The following NOTCH2 variants were observed in gnomAD, a reference collection of about 807,000 sequenced individuals.
The protein encoded by NOTCH2 is neurogenic locus notch homolog protein 2.
NOTCH2 carries 29 observed loss-of-function variants against 235.8 expected under a neutral mutation model. The observed-to-expected ratio is 0.12, with a 90% CI of 0.09 to 0.17. The LOEUF (loss-of-function observed/expected upper bound fraction) is 0.17, where lower values mean the gene tolerates loss of function less well. NOTCH2 is among the 10% of genes least tolerant of loss of function. The probability of loss-of-function intolerance (pLI) is 1.00; values close to 1 mark genes in which losing one functional copy is unlikely to be tolerated. For missense variants in NOTCH2, 2,285 were observed against 3,150.2 expected (o/e 0.73, Z 6.57); for synonymous variants, 1,086 against 1,141.5 (o/e 0.95, Z 0.98).
chr1:119,972,033 A>G (rs1553200421), intron 5 of NOTCH2, among the ~76,000 whole-genome samples: 3 of 150,718 alleles, frequency 2.0e-5, no homozygotes. Flanking sequence ...ACACTGAGGT[A>G]GTGAGTGAGG....
chr1:119,912,947 GC>G lies in NOTCH2; in HGVS notation c.*2358del, dbSNP rs2101138346. On this transcript the variant is annotated 3_prime_UTR_variant, in exon 34 of 34. Transcript: ENST00000256646. ...AAAGTAGTCCAAGAAAAAGAAACAA[GC>G]AATTTGGTCTGACATTGTGCTTAAG... 1 of 233,520 alleles carries G rather than the reference GC, an allele frequency of 4.3e-6. No homozygotes were observed. Among genetic ancestry groups the G allele is most frequent in the African/African-American group, 2.2e-5 (1 of 45,438 alleles). 14.5% of individuals were successfully genotyped at this position (233,520 alleles called of 1,614,324 possible).
At chr1:119,955,360 C>T in intron 12 of NOTCH2, 128 bp from the exon 13 acceptor site, 1 of 879,192 alleles carries the variant, frequency 1.1e-6, no homozygotes, top group Non-Finnish European at 1.9e-6. Flanking sequence ...CACCAAATGT[C>T]AAGATGTAAG....
intron 12 of NOTCH2, 53 bp from the exon 13 acceptor site, chr1:119,955,285 C>T: frequency 5.7e-6 from 9 of 1,566,500 alleles, no homozygotes; most frequent in Non-Finnish European, 7.0e-6. Flanking sequence ...AGGAAATAGA[C>T]CCAGAACTAT....
chr1:120,002,483 CAA>C (rs1652800116), intron 3 of NOTCH2, among the ~76,000 whole-genome samples: 25 of 151,910 alleles, frequency 1.6e-4, no homozygotes, highest in Admixed American at 1.5e-3. Flanking sequence ...GGCGGAACTA[CAA>C]ATGGTCCCAC....
At chr1:119,940,030 C>T (rs1553196267) in intron 19 of NOTCH2, among the ~76,000 whole-genome samples, 1 of 152,156 alleles carries the variant, frequency 6.6e-6, no homozygotes, top group Non-Finnish European at 1.5e-5. Flanking sequence ...TCCATGAAAT[C>T]GAAGGTTAGA....
chr1:120,007,090 G>A (rs1690045), intron 2 of NOTCH2, among the ~76,000 whole-genome samples: 9 of 152,304 alleles, frequency 5.9e-5, no homozygotes, highest in African/African-American at 9.6e-5. Context: ...TAAGCATGGC[G>A]GAGCAAGGAG....
chr1:119,960,466 T>A (rs1330403416), intron 11 of NOTCH2, among the ~76,000 whole-genome samples: 9 of 150,742 alleles, frequency 6.0e-5, no homozygotes, highest in South Asian at 2.1e-4. Flanking sequence ...GAAATATATT[T>A]GTAATATATT....
At chr1:119,983,539 G>A (rs1651897622) in intron 5 of NOTCH2, among the ~76,000 whole-genome samples, 1 of 152,158 alleles carries the variant, frequency 6.6e-6, no homozygotes, top group African/African-American at 2.4e-5. Flanking sequence ...ATAGCAAGAT[G>A]AAACCAGGGG....
intron 32 of NOTCH2, 31 bp from the exon 33 acceptor site, chr1:119,917,793 C>T (rs1261326661): frequency 8.0e-7 from 1 of 1,250,808 alleles, no homozygotes; most frequent in Non-Finnish European, 1.2e-6. Context: ...TATAAACAGA[C>T]ATATCCTACT....
chr1:120,005,245 G>A (rs587721829), intron 3 of NOTCH2, 84 bp downstream of exon 3: 1 of 1,567,328 alleles, frequency 6.4e-7, no homozygotes, highest in Admixed American at 1.7e-5. Flanking sequence ...GGACATTTAA[G>A]AGCCAGACAC....
intron 5 of NOTCH2, among the ~76,000 whole-genome samples, chr1:119,981,444 A>C (rs1357953376): frequency 6.6e-6 from 1 of 152,220 alleles, no homozygotes; most frequent in Non-Finnish European, 1.5e-5. Context: ...GTAGTTGTTC[A>C]ATAAATATCT....
chr1:120,067,593 T>C (rs1655557721), intron 1 of NOTCH2, among the ~76,000 whole-genome samples: 1 of 152,166 alleles, frequency 6.6e-6, no homozygotes, highest in Admixed American at 6.5e-5. Context: ...AGACTACATA[T>C]CATGAAGATT....
intron 22 of NOTCH2, chr1:119,935,233 G>GT (rs1649805303): frequency 1.4e-6 from 2 of 1,410,834 alleles, no homozygotes; most frequent in Admixed American, 2.8e-5. Context: ...CATATTCTGT[G>GT]TTTCATGGAA....
intron 1 of NOTCH2, among the ~76,000 whole-genome samples, chr1:120,033,843 G>T (rs1553211385): frequency 6.6e-6 from 1 of 152,062 alleles, no homozygotes; most frequent in Non-Finnish European, 1.5e-5. Flanking sequence ...CCTTTTAATT[G>T]TTCTACATTG....
At chr1:120,014,299 T>C (rs1553207512) in intron 2 of NOTCH2, among the ~76,000 whole-genome samples, 1 of 152,156 alleles carries the variant, frequency 6.6e-6, no homozygotes, top group Non-Finnish European at 1.5e-5. Context: ...GCACAGTGGC[T>C]CACACCTGTA....
chr1:120,001,214 A>G (rs1374467403), intron 3 of NOTCH2, among the ~76,000 whole-genome samples: 2 of 152,158 alleles, frequency 1.3e-5, no homozygotes, highest in Middle Eastern at 3.2e-3. Context: ...CTTTATCAGC[A>G]GCGTGAAAAT....
At chr1:119,963,913 C>T (rs1167999406) in intron 10 of NOTCH2, 106 bp from the exon 11 acceptor site, 2 of 943,758 alleles carry the variant, frequency 2.1e-6, no homozygotes, top group African/African-American at 3.2e-5. Context: ...GATGTGTGGT[C>T]AATTAATACT....
At chr1:119,940,452 A>G in intron 19 of NOTCH2, 103 bp downstream of exon 19, 1 of 1,079,336 alleles carries the variant, frequency 9.3e-7, no homozygotes, top group Non-Finnish European at 1.4e-6. Context: ...CCTGAGATCC[A>G]CAATTTTCTC....
intron 1 of NOTCH2, among the ~76,000 whole-genome samples, chr1:120,034,800 A>AT (rs1382679639): frequency 6.6e-5 from 10 of 151,536 alleles, no homozygotes; most frequent in Non-Finnish European, 1.2e-4. Flanking sequence ...TGTCATGAAG[A>AT]TATGAGGGAA....
Sources: allele counts gnomAD v4.1 joint callset (sites outside exome capture counted in the v4.1 genomes callset), GRCh38; gene constraint gnomAD v4.1.1; transcripts MANE v1.5; gene names NCBI Gene and HGNC (gene_info 2026-07-23, HGNC 2026-07-21).